Variants in PAPPA2 observed in about 807,000 individuals in gnomAD.
PAPPA2 encodes the protein pappalysin-2.
Under a neutral mutation model 176.4 loss-of-function variants are expected in PAPPA2, and 86 were observed. The ratio of observed to expected loss-of-function variants is 0.49; its 90% CI spans 0.41 to 0.58. PAPPA2 has a LOEUF of 0.58. PAPPA2 is among the 20% of genes least tolerant of loss of function. PAPPA2 has a pLI of 0.00. For synonymous variants in PAPPA2, 809 were observed against 852.2 expected (o/e 0.95, Z 0.88); for missense variants, 2,073 against 2,256.9 (o/e 0.92, Z 1.65).
chr1:176,707,486 A>G (rs1278617622), intron 10 of PAPPA2, among the ~76,000 whole-genome samples: 1 of 152,178 alleles, frequency 6.6e-6, no homozygotes, highest in African/African-American at 2.4e-5. Flanking sequence ...GTACAAGTTT[A>G]GCAGTGACTT....
At chr1:176,701,228 C>T (rs1660639265) in intron 8 of PAPPA2, among the ~76,000 whole-genome samples, 1 of 152,196 alleles carries the variant, frequency 6.6e-6, no homozygotes. Context: ...AGTTAACACT[C>T]TGCCTTTTAC....
intron 2 of PAPPA2, 142 bp from the exon 3 acceptor site, chr1:176,594,382 C>A: frequency 1.4e-6 from 1 of 691,232 alleles, no homozygotes; most frequent in Non-Finnish European, 2.4e-6. Context: ...GCAGGCATCT[C>A]AGGTGAGAAA....
intron 17 of PAPPA2, among the ~76,000 whole-genome samples, chr1:176,776,879 T>A (rs1664480108): frequency 6.6e-6 from 1 of 150,778 alleles, no homozygotes; most frequent in African/African-American, 2.4e-5. Context: ...ATAGTAATTA[T>A]AATATTTTAG....
intron 14 of PAPPA2, among the ~76,000 whole-genome samples, chr1:176,748,664 A>G (rs1038646723): frequency 6.6e-6 from 1 of 152,238 alleles, no homozygotes; most frequent in African/African-American, 2.4e-5. Flanking sequence ...CTGTATATAT[A>G]ATAATGATTT....
In PAPPA2 at chr1:176,647,272, C is replaced by T. The variant is rs190589619; in HGVS notation, c.1992-23698C>T. ...TAGTTGGATTATTGGATTTTTTTTC[C>T]AATTGAGTTGTTTGAGCTCCGTATA... On this transcript the variant is annotated intron_variant, in intron 3 of 22. Transcript: ENST00000367662. Among the ~76,000 whole-genome samples the T allele has an allele frequency of 3.2e-4, 48 of 151,042 alleles. 1 individual carries two copies. In the Middle Eastern group the frequency reaches 0.01, roughly 32 times the overall value.
intron 17 of PAPPA2, among the ~76,000 whole-genome samples, chr1:176,773,452 C>T (rs1407523208): frequency 6.6e-6 from 1 of 152,174 alleles, no homozygotes; most frequent in Admixed American, 6.5e-5. Flanking sequence ...GAAGGGAAAT[C>T]AATCCAGAGA....
At chr1:176,823,156 C>T (rs1193715417) in intron 21 of PAPPA2, among the ~76,000 whole-genome samples, 1 of 152,156 alleles carries the variant, frequency 6.6e-6, no homozygotes, top group Non-Finnish European at 1.5e-5. Context: ...GCTTCCTGCC[C>T]CTCCATTCCA....
At chr1:176,828,367 A>G (rs1666939214) in intron 21 of PAPPA2, among the ~76,000 whole-genome samples, 1 of 152,192 alleles carries the variant, frequency 6.6e-6, no homozygotes, top group Non-Finnish European at 1.5e-5. Flanking sequence ...AATGGTTTGT[A>G]GTTTGTAAAA....
chr1:176,683,222 C>A (rs1659671785), intron 4 of PAPPA2, among the ~76,000 whole-genome samples: 3 of 151,994 alleles, frequency 2.0e-5, no homozygotes, highest in Non-Finnish European at 4.4e-5. Flanking sequence ...TCTTTCTTTT[C>A]TTCCCCCACA....
At chr1:176,790,778 T>C (rs1056189192) in intron 18 of PAPPA2, among the ~76,000 whole-genome samples, 11 of 152,168 alleles carry the variant, frequency 7.2e-5, no homozygotes, top group African/African-American at 2.7e-4. Flanking sequence ...ATGTTCTAGA[T>C]AGAGTATAAT....
chr1:176,654,017 G>A (rs575797391), intron 3 of PAPPA2, among the ~76,000 whole-genome samples: 38 of 151,626 alleles, frequency 2.5e-4, no homozygotes, highest in African/African-American at 8.5e-4. Context: ...TCACTCTGCC[G>A]ATTATTTCTT....
rs144508080 is a variant in PAPPA2, at chr1:176,636,217, G to T, written c.1992-34753G>T. On this transcript the variant is annotated intron_variant, in intron 3 of 22. Transcript: ENST00000367662. ...ACTTCTGCTGGAACTTGCTCAATTT[G>T]CAGAGATAATTATAAGATGTTAAGA... 5.3e-4 allele frequency among the ~76,000 whole-genome samples: 81 copies of T among 152,212 alleles called. 1 individual carries two copies. In the East Asian group the frequency reaches 0.013, roughly 25 times the overall value.
chr1:176,609,533 G>A (rs1274450239), intron 3 of PAPPA2, among the ~76,000 whole-genome samples: 1 of 152,194 alleles, frequency 6.6e-6, no homozygotes, highest in Non-Finnish European at 1.5e-5. Flanking sequence ...TGATATTTGA[G>A]CATATATCTG....
intron 3 of PAPPA2, among the ~76,000 whole-genome samples, chr1:176,634,678 C>T (rs981395211): frequency 4.0e-5 from 6 of 151,412 alleles, no homozygotes; most frequent in Non-Finnish European, 7.4e-5. Flanking sequence ...GACAGTAAGG[C>T]GCTATTGAGT....
chr1:176,781,659 T>TA (rs1421293092), intron 17 of PAPPA2, among the ~76,000 whole-genome samples: 1 of 152,124 alleles, frequency 6.6e-6, no homozygotes, highest in African/African-American at 2.4e-5. Flanking sequence ...TGTTTGGGGC[T>TA]AAGTAGAGAA....
Position 176,710,196 on chromosome 1 carries a change from T to C in PAPPA2, c.3651+20T>C. The C allele has an allele frequency of 6.2e-7, 1 of 1,609,494 alleles. No individual in the cohort carries two copies. Among genetic ancestry groups the C allele is most frequent in the Non-Finnish European group, 8.5e-7 (1 of 1,177,266 alleles). On this transcript the variant is annotated intron_variant, in intron 11 of 22. Coordinates refer to ENST00000367662, the MANE Select transcript of PAPPA2 (RefSeq NM_020318.3). Reference sequence around the variant, plus strand: ...TCCCTAGTAAGTTAAGCCAGATGAATAGAGTCGAGCCTGCGCAAAATTGTA... The same window carrying C: ...TCCCTAGTAAGTTAAGCCAGATGAACAGAGTCGAGCCTGCGCAAAATTGTA...
intron 12 of PAPPA2, among the ~76,000 whole-genome samples, chr1:176,726,364 G>T (rs1407723195): frequency 6.6e-6 from 1 of 152,086 alleles, no homozygotes; most frequent in Non-Finnish European, 1.5e-5. Flanking sequence ...TGAACTGTAA[G>T]GATCTCGGGA....
intron 3 of PAPPA2, among the ~76,000 whole-genome samples, chr1:176,623,365 G>A (rs1159366766): frequency 1.3e-5 from 2 of 152,114 alleles, no homozygotes; most frequent in East Asian, 1.9e-4. Flanking sequence ...ATTTGCTGTT[G>A]CCACATGGCT....
rs558150637 is a variant in PAPPA2, at chr1:176,558,506, C to G, written c.919+1265C>G. On this transcript the variant is annotated intron_variant, in intron 2 of 22. Transcript: ENST00000367662. ...TTGGCTGTGATTTCTCCTTCGGAAG[C>G]TGGGATTCCCAGACACTGAGCATTC... 1.1e-4 allele frequency among the ~76,000 whole-genome samples: 17 copies of G among 152,274 alleles called. 1 individual carries two copies. The East Asian group carries it at 3.3e-3, about 29-fold the overall frequency.
Sources: gnomAD v4.1 joint callset for allele counts (sites outside exome capture counted in the v4.1 genomes callset) on GRCh38, gnomAD v4.1.1 for gene constraint, MANE v1.5 for transcripts, NCBI Gene and HGNC (gene_info 2026-07-23, HGNC 2026-07-21) for gene names.